The following LMX1B variants were observed in gnomAD, a reference collection of about 807,000 sequenced individuals.
LMX1B encodes the protein LIM homeobox transcription factor 1 beta, also known as LIM homeobox transcription factor 1-beta.
In LMX1B, 12 loss-of-function variants were observed where a neutral mutation model predicts 51.4. That is an observed-to-expected ratio of 0.23 (90% CI 0.15 to 0.38). The LOEUF is 0.38. Among genes scored for constraint, LMX1B ranks in the 10% least tolerant of loss-of-function variants. LMX1B has a pLI of 1.00. For synonymous variants in LMX1B, 237 were observed against 235.4 expected (o/e 1.01, Z -0.06); for missense variants, 445 against 571.1 (o/e 0.78, Z 2.25).
In LMX1B at chr9:126,615,387, C is replaced by T; in HGVS notation, c.144C>T (p.Ser48=). The change falls in exon 2 of 8, where the codon TCC becomes TCT. Residue 48 remains serine, a synonymous_variant. Transcript: ENST00000373474. The surrounding 1 kb of genome is among the most constrained non-coding windows in gnomAD (Gnocchi z 6.0). ...GPATLGVLLG[S]DCPHPAVCEG... Reference sequence around the variant, plus strand: ...CTTTCGCCCTGTGCGCTACAGGCTCCGACTGCCCGCATCCCGCCGTCTGCG... The same window carrying T: ...CTTTCGCCCTGTGCGCTACAGGCTCTGACTGCCCGCATCCCGCCGTCTGCG... 1 of 1,598,654 alleles carries T rather than the reference C, an allele frequency of 6.3e-7. No homozygotes were observed.
At position 126,615,933 on chromosome 9, in the gene LMX1B, G is replaced by C. The variant is rs1413621484; in HGVS notation, c.326+364G>C. 6.6e-6 allele frequency among the ~76,000 whole-genome samples: 1 copy of C among 152,234 alleles called. No homozygotes were observed. The highest frequency in any genetic ancestry group is 1.9e-4 in the East Asian group (1 of 5,194). ...AGGAAAATAATGTTTTAGGGAGCCA[G>C]GCCTGGCGGACTGCTTCAAGGGCCT... On this transcript the variant is annotated intron_variant, in intron 2 of 7. Transcript: ENST00000373474. The surrounding 1 kb of genome is among the most constrained non-coding windows in gnomAD (Gnocchi z 6.0).
intron 2 of LMX1B, among the ~76,000 whole-genome samples, chr9:126,642,631 G>A (rs1485136370): frequency 6.6e-6 from 1 of 152,354 alleles, no homozygotes; most frequent in East Asian, 1.9e-4. Flanking sequence ...CTCCCTCACT[G>A]CATGGGTGTT....
intron 2 of LMX1B, among the ~76,000 whole-genome samples, chr9:126,624,576 GTTCCC>G (rs1835482700): frequency 6.6e-6 from 1 of 152,160 alleles, no homozygotes; most frequent in Non-Finnish European, 1.5e-5. Context: ...CGAAAGCCGA[GTTCCC>G]GGCGCGGATG....
At chr9:126,682,062 C>G (rs1056063096) in intron 2 of LMX1B, among the ~76,000 whole-genome samples, 3 of 133,392 alleles carry the variant, frequency 2.2e-5, no homozygotes, top group South Asian at 5.0e-4. Flanking sequence ...CAGATACTTG[C>G]AGATACTTGG....
chr9:126,687,835 A>G (rs2029963776), intron 2 of LMX1B, among the ~76,000 whole-genome samples: 1 of 152,176 alleles, frequency 6.6e-6, no homozygotes, highest in Non-Finnish European at 1.5e-5. Flanking sequence ...CCTTCTTCTC[A>G]GTGGCTGGCT....
At chr9:126,651,885 C>T (rs1836016394) in intron 2 of LMX1B, among the ~76,000 whole-genome samples, 1 of 152,156 alleles carries the variant, frequency 6.6e-6, no homozygotes, top group South Asian at 2.1e-4. Context: ...CCCTACAAGC[C>T]AGGGGCCTAG....
chr9:126,645,451 A>G (rs541265081), intron 2 of LMX1B, among the ~76,000 whole-genome samples: 1 of 152,232 alleles, frequency 6.6e-6, no homozygotes, highest in African/African-American at 2.4e-5. Context: ...GCCATCTCTA[A>G]CCCACCCCTT....
At chr9:126,656,382 T>G (rs370819715) in intron 2 of LMX1B, among the ~76,000 whole-genome samples, 2 of 130,440 alleles carry the variant, frequency 1.5e-5, no homozygotes, top group South Asian at 2.7e-4. Context: ...AGATCTGGTC[T>G]TTAGATAGAT....
At chr9:126,659,651 G>C (rs138581094) in intron 2 of LMX1B, among the ~76,000 whole-genome samples, 5,510 of 152,212 alleles carry the variant, frequency 0.036, 104 homozygotes, top group Middle Eastern at 0.048. Context: ...ACTAGCCTTA[G>C]AGATTGTCCT....
At chr9:126,632,383 T>C (rs1348582957) in intron 2 of LMX1B, among the ~76,000 whole-genome samples, 1 of 151,012 alleles carries the variant, frequency 6.6e-6, no homozygotes, top group Non-Finnish European at 1.5e-5. Context: ...ATATTGGGGG[T>C]TAAATGGGTG....
In LMX1B at chr9:126,615,634, G is replaced by GGGCCC; in HGVS notation, c.326+72_326+76dup. 1 of 1,478,832 alleles carries GGGCCC rather than the reference G, an allele frequency of 6.8e-7. No homozygotes were observed. Among genetic ancestry groups the GGGCCC allele is most frequent in the Non-Finnish European group, 9.1e-7 (1 of 1,093,014 alleles). The allele number at this position is 1,478,832 out of a possible 1,614,324, so 91.6% of individuals were successfully genotyped here. Reference sequence around the variant, plus strand: ...ACTCGAGCCCGGTCAGCCCCCTGCCGGGCCCGGCCCGCGCCCGCTCTGCCG... The same window carrying GGGCCC: ...ACTCGAGCCCGGTCAGCCCCCTGCCGGGCCCGGCCCGGCCCGCGCCCGCTCTGCCG... On this transcript the variant is annotated intron_variant, in intron 2 of 7. Coordinates refer to ENST00000373474, the MANE Select transcript of LMX1B (RefSeq NM_001174147.2). The surrounding 1 kb of genome is among the most constrained non-coding windows in gnomAD (Gnocchi z 6.0).
Position 126,695,822 on chromosome 9 carries a change from G to A in LMX1B, c.887-17G>A. ...GCGTGGACCAGGCCAGGGGGTGAAG[G>A]CTCACTGTGCCCCCAGAGGTCCTGT... is the stretch of plus-strand genomic sequence containing the variant. On this transcript the variant is annotated splice_polypyrimidine_tract_variant and intron_variant, in intron 6 of 7. Coordinates refer to ENST00000373474, the MANE Select transcript of LMX1B (RefSeq NM_001174147.2). This position sits in a 1 kb window ranked among gnomAD's most constrained non-coding sequence, Gnocchi z 5.2. 1 of 1,611,962 alleles carries A rather than the reference G, an allele frequency of 6.2e-7. No homozygotes were observed. The highest frequency in any genetic ancestry group is 8.5e-7 in the Non-Finnish European group (1 of 1,179,344).
intron 2 of LMX1B, among the ~76,000 whole-genome samples, chr9:126,660,552 A>G (rs1011106084): frequency 2.0e-5 from 3 of 152,170 alleles, no homozygotes; most frequent in African/African-American, 7.2e-5. Flanking sequence ...CAGTTTTCTC[A>G]TCTGTAAACT....
Position 126,693,329 on chromosome 9 carries a change from G to C in LMX1B, c.741+6G>C, listed in dbSNP as rs779294095. ...CGTCGAAGCCTTGCCGAAAGGTGAG[G>C]GGCGGCCGGGGGGCGGGGCTCAGGC... On this transcript the variant is annotated splice_donor_region_variant and intron_variant, in intron 4 of 7. Transcript: ENST00000373474. 1.3e-6 allele frequency: 2 copies of C among 1,586,564 alleles called. No individual in the cohort carries two copies. The highest frequency in any genetic ancestry group is 2.3e-5 in the South Asian group (2 of 87,974).
chr9:126,652,306 G>T (rs1340347758), intron 2 of LMX1B, among the ~76,000 whole-genome samples: 1 of 146,868 alleles, frequency 6.8e-6, no homozygotes, highest in Non-Finnish European at 1.5e-5. Flanking sequence ...AGGGGGGGGG[G>T]ATTTTCTCTT....
chr9:126,663,190 GTTGAGGCGGGCGGATCAC>G (rs141961097), intron 2 of LMX1B, among the ~76,000 whole-genome samples: 27,501 of 152,010 alleles, frequency 0.18, 2,622 homozygotes, highest in African/African-American at 0.21. Context: ...ACTTTGGGAG[GTTGAGGCGGGCGGATCAC>G]TTGAGGTCAG....
intron 2 of LMX1B, among the ~76,000 whole-genome samples, chr9:126,657,709 G>A (rs770752945): frequency 6.6e-6 from 1 of 152,252 alleles, no homozygotes; most frequent in Non-Finnish European, 1.5e-5. Context: ...ATTCATTCAG[G>A]CAAGCATTCG....
At chr9:126,683,486 C>T (rs1169509738) in intron 2 of LMX1B, among the ~76,000 whole-genome samples, 2 of 152,184 alleles carry the variant, frequency 1.3e-5, no homozygotes, top group African/African-American at 4.8e-5. Context: ...GCGGCTCCCT[C>T]TCTAAGTGAC....
Position 126,614,354 on chromosome 9 carries a change from C to A in LMX1B, c.-96C>A. On this transcript the variant is annotated 5_prime_UTR_variant, in exon 1 of 8. Transcript: ENST00000373474. ...CAACCCCTGCCCTGCGGGGGCCGCG[C>A]CTCCCCGGTTCCAGGGCCGCGGCGG... The A allele has an allele frequency of 1.1e-6, 1 of 936,478 alleles. No individual in the cohort carries two copies. The highest frequency in any genetic ancestry group is 1.3e-6 in the Non-Finnish European group (1 of 759,750). The allele number at this position is 936,478 out of a possible 1,614,324, so 58.0% of individuals were successfully genotyped here.
Sources: gnomAD v4.1 joint callset for allele counts (sites outside exome capture counted in the v4.1 genomes callset) on GRCh38, gnomAD v4.1.1 for gene constraint, Gnocchi (gnomAD v3.1) non-coding constraint, MANE v1.5 for transcripts, NCBI Gene and HGNC (gene_info 2026-07-23, HGNC 2026-07-21) for gene names.